ZNF267: variants seen among roughly 807,000 people sequenced by gnomAD.
ZNF267 encodes the protein zinc finger protein 267.
ZNF267 carries 61 observed loss-of-function variants against 71.6 expected under a neutral mutation model. The ratio of observed to expected loss-of-function variants is 0.85; its 90% CI spans 0.69 to 1.05. ZNF267 has a LOEUF of 1.05. Among genes scored for constraint, ZNF267 ranks in the 50% least tolerant of loss-of-function variants. The pLI, the probability that ZNF267 is intolerant of heterozygous loss-of-function variation, is 0.00. For synonymous variants in ZNF267, 288 were observed against 293.2 expected (o/e 0.98, Z 0.18); for missense variants, 852 against 870.0 (o/e 0.98, Z 0.26).
At chr16:31,905,266 G>A (rs1298296346) in intron 3 of ZNF267, among the ~76,000 whole-genome samples, 1 of 152,030 alleles carries the variant, frequency 6.6e-6, no homozygotes, top group Non-Finnish European at 1.5e-5. Flanking sequence ...TATATGTCTT[G>A]GAGTTGCTCT....
At chr16:31,913,121 GGCTTTGT>G (rs2084147535) in intron 3 of ZNF267, 1 of 152,084 alleles carries the variant, frequency 6.6e-6, no homozygotes, top group African/African-American at 2.4e-5. Flanking sequence ...TCGCAGTCTG[GGCTTTGT>G]GTCCACCCTT....
chr16:31,899,200 A>G (rs2084020986), intron 3 of ZNF267, among the ~76,000 whole-genome samples: 1 of 152,164 alleles, frequency 6.6e-6, no homozygotes, highest in Admixed American at 6.6e-5. Flanking sequence ...CATCTACAGA[A>G]CTCTCCAACC....
intron 1 of ZNF267, among the ~76,000 whole-genome samples, chr16:31,876,489 G>A (rs1012498464): frequency 2.0e-5 from 3 of 152,236 alleles, no homozygotes; most frequent in African/African-American, 7.2e-5. Flanking sequence ...AAAGTGCTGG[G>A]ATAACAGGCA....
intron 3 of ZNF267, among the ~76,000 whole-genome samples, chr16:31,897,157 CA>C (rs199788365): frequency 1.1e-4 from 16 of 147,340 alleles, no homozygotes; most frequent in African/African-American, 3.5e-4. Flanking sequence ...CAAAACAAAA[CA>C]AAAAAAACCC....
chr16:31,898,428 T>A lies in ZNF267; in HGVS notation c.226+13172T>A, dbSNP rs570043604. Among the ~76,000 whole-genome samples, 6 of 152,102 alleles carry A rather than the reference T, an allele frequency of 3.9e-5. No individual in the cohort carries two copies. The East Asian group carries it at 9.6e-4, about 24-fold the overall frequency. Reference sequence around the variant, plus strand: ...AATTTTGTCTTGTGAATGATTTAATTTTTTTTATGTACAAAGTAATTACTG... The same window carrying A: ...AATTTTGTCTTGTGAATGATTTAATATTTTTTATGTACAAAGTAATTACTG... On this transcript the variant is annotated intron_variant, in intron 3 of 3. Transcript: ENST00000300870.
chr16:31,898,199 A>T (rs1322971973), intron 3 of ZNF267, among the ~76,000 whole-genome samples: 1 of 152,090 alleles, frequency 6.6e-6, no homozygotes, highest in Non-Finnish European at 1.5e-5. Flanking sequence ...TGGTCAGTGG[A>T]CACTATTATT....
chr16:31,897,205 A>T (rs1312829477), intron 3 of ZNF267, among the ~76,000 whole-genome samples: 2 of 151,954 alleles, frequency 1.3e-5, no homozygotes, highest in Non-Finnish European at 2.9e-5. Flanking sequence ...TAAATTCATT[A>T]AAGTTGCAGG....
chr16:31,873,822 C>G lies in ZNF267; in HGVS notation c.-145C>G, dbSNP rs1160960573. 3.5e-6 allele frequency: 4 copies of G among 1,144,700 alleles called. No individual in the cohort carries two copies. The highest frequency in any genetic ancestry group is 2.5e-5 in the East Asian group (1 of 39,470). The allele number at this position is 1,144,700 out of a possible 1,614,324, so 70.9% of individuals were successfully genotyped here. On this transcript the variant is annotated 5_prime_UTR_variant, in exon 1 of 4. Coordinates refer to ENST00000300870, the MANE Select transcript of ZNF267 (RefSeq NM_003414.6). ...CGTCGGCTCCAGTTAGAGCTCGGGT[C>G]TCCTCGCCACAGCTCCGAGTCTTTC...
intron 3 of ZNF267, among the ~76,000 whole-genome samples, chr16:31,886,743 A>G (rs145122721): frequency 2.0e-5 from 3 of 152,308 alleles, no homozygotes; most frequent in African/African-American, 7.2e-5. Context: ...TTGTTTATTC[A>G]TCCATGTTGT....
intron 3 of ZNF267, chr16:31,913,575 T>C (rs1333270008): frequency 1.3e-5 from 2 of 152,224 alleles, no homozygotes; most frequent in Non-Finnish European, 2.9e-5. Flanking sequence ...TTCAGAGATA[T>C]TGTGTGGGAG....
intron 3 of ZNF267, among the ~76,000 whole-genome samples, chr16:31,908,676 TC>T (rs1431274952): frequency 6.6e-5 from 10 of 152,170 alleles, no homozygotes; most frequent in Admixed American, 5.2e-4. Flanking sequence ...AAAAAAACTG[TC>T]CTTTCTCTAG....
At chr16:31,905,707 T>C (rs1308133652) in intron 3 of ZNF267, among the ~76,000 whole-genome samples, 1 of 152,170 alleles carries the variant, frequency 6.6e-6, no homozygotes, top group Non-Finnish European at 1.5e-5. Context: ...TTCAAGGTTT[T>C]TAACTTCTTT....
chr16:31,880,434 C>T (rs988052615), intron 1 of ZNF267, among the ~76,000 whole-genome samples: 2 of 152,136 alleles, frequency 1.3e-5, no homozygotes, highest in African/African-American at 4.8e-5. Flanking sequence ...TTCTTGTACC[C>T]AAGAGTCAGC....
intron 3 of ZNF267, among the ~76,000 whole-genome samples, chr16:31,890,951 TGTAAA>T (rs528863260): frequency 3.5e-4 from 53 of 152,356 alleles, no homozygotes; most frequent in African/African-American, 1.2e-3. Context: ...TCTCTTTATA[TGTAAA>T]GTAATTATTG....
intron 1 of ZNF267, among the ~76,000 whole-genome samples, chr16:31,878,660 A>G (rs1452556530): frequency 6.6e-6 from 1 of 152,198 alleles, no homozygotes; most frequent in African/African-American, 2.4e-5. Flanking sequence ...CACCTGGGCC[A>G]GTATCTGTAG....
intron 3 of ZNF267, among the ~76,000 whole-genome samples, chr16:31,892,717 A>G (rs2083969600): frequency 6.6e-6 from 1 of 152,234 alleles, no homozygotes; most frequent in Admixed American, 6.5e-5. Context: ...GGGCAGTCAA[A>G]TCTTAAAGCT....
chr16:31,884,769 AAATTT>A, intron 2 of ZNF267, 145 bp downstream of exon 2: 1 of 823,738 alleles, frequency 1.2e-6, no homozygotes, highest in South Asian at 2.3e-5. Context: ...GAAGTAGAAA[AAATTT>A]CATAATGTTT....
In ZNF267 at chr16:31,905,411, TTTC is replaced by T. The variant is rs2084080867; in HGVS notation, c.227-9064_227-9062del. On this transcript the variant is annotated intron_variant, in intron 3 of 3. Coordinates refer to ENST00000300870, the MANE Select transcript of ZNF267 (RefSeq NM_003414.6). ...AACTTGGTTCCATTCTCCTCGTCAC[TTTC>T]AGGTACACCAATGAGACGTAGATTT... Among the ~76,000 whole-genome samples the T allele has an allele frequency of 2.0e-5, 3 of 152,216 alleles. No homozygotes were observed. The South Asian group carries it at 6.2e-4, about 32-fold the overall frequency.
chr16:31,876,150 G>C (rs563306817), intron 1 of ZNF267, among the ~76,000 whole-genome samples: 1 of 152,174 alleles, frequency 6.6e-6, no homozygotes, highest in African/African-American at 2.4e-5. Context: ...TCTTTTTTTT[G>C]TAGGGTGAAG....
Sources: allele counts gnomAD v4.1 joint callset (sites outside exome capture counted in the v4.1 genomes callset), GRCh38; gene constraint gnomAD v4.1.1; transcripts MANE v1.5; gene names NCBI Gene and HGNC (gene_info 2026-07-23, HGNC 2026-07-21).